The following RNF4 variants were observed in gnomAD, a reference collection of about 807,000 sequenced individuals.
The protein encoded by RNF4 is ring finger protein 4.
A neutral mutation model predicts 24.3 loss-of-function variants in RNF4; 7 were observed. The observed-to-expected ratio is 0.29, with a 90% confidence interval of 0.16 to 0.54. The LOEUF (loss-of-function observed/expected upper bound fraction) is 0.54, where lower values mean the gene tolerates loss of function less well. Ranked by LOEUF, RNF4 falls within the 20% of genes least tolerant of loss-of-function variation. The pLI is 0.95. For synonymous variants in RNF4, 83 were observed against 84.3 expected (o/e 0.98, Z 0.09); for missense variants, 209 against 248.5 (o/e 0.84, Z 1.07).
chr4:2,473,077 G>A (rs1734956424), intron 1 of RNF4, among the ~76,000 whole-genome samples: 1 of 150,750 alleles, frequency 6.6e-6, no homozygotes, highest in African/African-American at 2.4e-5. Flanking sequence ...TGATTCATGG[G>A]AGGAGGTCAA....
intron 3 of RNF4, among the ~76,000 whole-genome samples, chr4:2,498,177 C>T (rs1011198883): frequency 6.6e-6 from 1 of 152,012 alleles, no homozygotes; most frequent in Non-Finnish European, 1.5e-5. Context: ...CCCATTAGAG[C>T]ACTGTTTTGT....
At chr4:2,489,441 C>G (rs544954462) in intron 1 of RNF4, among the ~76,000 whole-genome samples, 1 of 152,146 alleles carries the variant, frequency 6.6e-6, no homozygotes, top group Non-Finnish European at 1.5e-5. Flanking sequence ...AACTCCATCT[C>G]GTTATGCTAC....
chr4:2,470,579 C>T (rs1734871740), intron 1 of RNF4, among the ~76,000 whole-genome samples: 1 of 152,176 alleles, frequency 6.6e-6, no homozygotes, highest in Non-Finnish European at 1.5e-5. Flanking sequence ...TTTTTCTAAT[C>T]TTCATGAAAT....
intron 3 of RNF4, chr4:2,497,387 A>G: frequency 3.6e-6 from 1 of 280,736 alleles, no homozygotes; most frequent in Non-Finnish European, 6.7e-6. Flanking sequence ...TTCTATCTGA[A>G]ACTGCATCCC....
intron 2 of RNF4, chr4:2,490,794 A>G: frequency 3.4e-6 from 1 of 295,784 alleles, no homozygotes; most frequent in Non-Finnish European, 6.3e-6. Context: ...AAATACTAAA[A>G]CTTTTTGCTT....
intron 4 of RNF4, among the ~76,000 whole-genome samples, chr4:2,508,605 T>C (rs1736172823): frequency 1.3e-5 from 2 of 152,162 alleles, no homozygotes; most frequent in South Asian, 4.1e-4. Flanking sequence ...TTTTGTTTTT[T>C]GTTTTTGTTT....
intron 1 of RNF4, among the ~76,000 whole-genome samples, chr4:2,488,303 A>T (rs1044325626): frequency 6.6e-5 from 10 of 152,170 alleles, no homozygotes; most frequent in African/African-American, 2.2e-4. Context: ...ATCTCTACTA[A>T]AAGTAGAAAA....
At position 2,514,155 on chromosome 4, in the gene RNF4, C is replaced by G; in HGVS notation, c.*336C>G. The G allele has an allele frequency of 3.5e-6, 1 of 282,604 alleles. No individual in the cohort carries two copies. The highest frequency in any genetic ancestry group is 6.8e-6 in the Non-Finnish European group (1 of 146,110). The allele number at this position is 282,604 out of a possible 1,614,324, so 17.5% of individuals were successfully genotyped here. A position where few individuals can be genotyped will look rare whatever the true frequency, so the allele number is the denominator to read the frequency against. ...ATTTTCCCTGTTTGGAAAGTTTGCCCCAGCTTTCCCGGGCACACCACCTTT... is the reference window on the plus strand; with the variant it reads ...ATTTTCCCTGTTTGGAAAGTTTGCCGCAGCTTTCCCGGGCACACCACCTTT... On this transcript the variant is annotated 3_prime_UTR_variant, in exon 8 of 8. Transcript: ENST00000314289.
At chr4:2,472,964 CG>C (rs1231210238) in intron 1 of RNF4, among the ~76,000 whole-genome samples, 1 of 151,800 alleles carries the variant, frequency 6.6e-6, no homozygotes, top group Non-Finnish European at 1.5e-5. Flanking sequence ...GGTGTGAACC[CG>C]GGAAGAGGAG....
chr4:2,486,478 A>C (rs1415901684), intron 1 of RNF4, among the ~76,000 whole-genome samples: 2 of 152,156 alleles, frequency 1.3e-5, no homozygotes, highest in Non-Finnish European at 2.9e-5. Flanking sequence ...AGCCTTCCAA[A>C]TTCCTTTGAA....
At chr4:2,507,637 C>T (rs781090082) in intron 4 of RNF4, among the ~76,000 whole-genome samples, 15 of 152,062 alleles carry the variant, frequency 9.9e-5, no homozygotes, top group African/African-American at 2.2e-4. Context: ...CCTGAGTGCA[C>T]GGGACCCAGT....
At chr4:2,478,396 G>T in intron 1 of RNF4, among the ~76,000 whole-genome samples, 1 of 152,340 alleles carries the variant, frequency 6.6e-6, no homozygotes, top group South Asian at 2.1e-4. Flanking sequence ...ACAGTGGGGG[G>T]AAATGTCTCC....
chr4:2,499,481 G>A (rs1735845377), intron 3 of RNF4: 1 of 318,228 alleles, frequency 3.1e-6, no homozygotes, highest in Non-Finnish European at 6.2e-6. Flanking sequence ...TCTCCATGTT[G>A]GTCAGGCTGG....
intron 1 of RNF4, among the ~76,000 whole-genome samples, chr4:2,477,939 G>C (rs991579819): frequency 6.6e-6 from 1 of 152,168 alleles, no homozygotes; most frequent in Non-Finnish European, 1.5e-5. Context: ...AGGAAAATGT[G>C]GGAAAGTTTG....
At chr4:2,491,105 T>A (rs142428150) in intron 2 of RNF4, among the ~76,000 whole-genome samples, 1 of 152,360 alleles carries the variant, frequency 6.6e-6, no homozygotes, top group East Asian at 1.9e-4. Flanking sequence ...GTTTTCTGTT[T>A]TCCCGTCTGT....
intron 3 of RNF4, among the ~76,000 whole-genome samples, chr4:2,498,646 C>A (rs929665878): frequency 2.0e-5 from 3 of 152,156 alleles, no homozygotes; most frequent in Non-Finnish European, 4.4e-5. Flanking sequence ...AAGATTATCA[C>A]GGTTTTTATT....
chr4:2,512,729 A>C lies in RNF4; in HGVS notation c.374+132A>C. The C allele has an allele frequency of 1.9e-6, 2 of 1,042,496 alleles. No individual in the cohort carries two copies. The highest frequency in any genetic ancestry group is 2.7e-6 in the Non-Finnish European group (2 of 730,896). 64.6% of individuals were successfully genotyped at this position (1,042,496 alleles called of 1,614,324 possible). ...CCAAGCCTCTACCCAGCATCTGGAT[A>C]CAGTTGGAACTGGGTCCAGAACTGA... On this transcript the variant is annotated intron_variant, in intron 6 of 7. Coordinates refer to ENST00000314289, the MANE Select transcript of RNF4 (RefSeq NM_002938.5). The surrounding 1 kb of genome is among the most constrained non-coding windows in gnomAD (Gnocchi z 4.1).
At chr4:2,482,443 C>G (rs34514346) in intron 1 of RNF4, among the ~76,000 whole-genome samples, 8,015 of 152,298 alleles carry the variant, frequency 0.053, 248 homozygotes, top group South Asian at 0.13. Flanking sequence ...TTGACGGCCT[C>G]TAGCATCTGA....
intron 1 of RNF4, among the ~76,000 whole-genome samples, chr4:2,475,008 C>T (rs1237143889): frequency 6.6e-6 from 1 of 152,130 alleles, no homozygotes; most frequent in Admixed American, 6.5e-5. Context: ...GCCTGGGCAA[C>T]AAGAGTGAAA....
Sources: gnomAD v4.1 joint callset for allele counts (sites outside exome capture counted in the v4.1 genomes callset) on GRCh38, gnomAD v4.1.1 for gene constraint, Gnocchi (gnomAD v3.1) non-coding constraint, MANE v1.5 for transcripts, NCBI Gene and HGNC (gene_info 2026-07-23, HGNC 2026-07-21) for gene names.